The following NBAS variants were observed in gnomAD, a reference collection of about 807,000 sequenced individuals.
NBAS encodes the protein NBAS subunit of NRZ tethering complex.
A neutral mutation model predicts 302.5 loss-of-function variants in NBAS; 219 were observed. The ratio of observed to expected loss-of-function variants is 0.72; its 90% confidence interval spans 0.65 to 0.81. The LOEUF (loss-of-function observed/expected upper bound fraction) is 0.81, where lower values mean the gene tolerates loss of function less well. Among genes scored for constraint, NBAS ranks in the 30% least tolerant of loss-of-function variants. The probability of loss-of-function intolerance (pLI) is 0.00; values close to 1 mark genes in which losing one functional copy is unlikely to be tolerated. For synonymous variants in NBAS, 1,118 were observed against 1,021.6 expected (o/e 1.09, Z -1.80); for missense variants, 2,932 against 2,841.6 (o/e 1.03, Z -0.72).
chr2:15,161,051 A>G, the NBAS span, among the ~76,000 whole-genome samples: 1 of 152,196 alleles, frequency 6.6e-6, no homozygotes, highest in African/African-American at 2.4e-5. Flanking sequence ...CTATTAGCAT[A>G]GTCGAAGAAA....
At chr2:15,510,875 A>C (rs570005366) in intron 10 of NBAS, among the ~76,000 whole-genome samples, 56 of 152,346 alleles carry the variant, frequency 3.7e-4, no homozygotes, top group African/African-American at 1.3e-3. Flanking sequence ...AATGAGTTAG[A>C]GCATATAAAA....
chr2:15,453,345 A>G (rs946375179), intron 21 of NBAS, among the ~76,000 whole-genome samples: 1 of 152,210 alleles, frequency 6.6e-6, no homozygotes, highest in Non-Finnish European at 1.5e-5. Flanking sequence ...ACAATTTATC[A>G]CACTGTTTTG....
At chr2:15,034,244 G>C in the NBAS span, among the ~76,000 whole-genome samples, 2 of 87,582 alleles carry the variant, frequency 2.3e-5, no homozygotes, top group South Asian at 8.3e-4. Flanking sequence ...AGGAAAGAAA[G>C]AAAGAAAGAA....
chr2:14,930,082 G>C, the NBAS span, among the ~76,000 whole-genome samples: 1 of 152,150 alleles, frequency 6.6e-6, no homozygotes, highest in Non-Finnish European at 1.5e-5. Context: ...CATTCTTCCT[G>C]TGCAGCCTGT....
At chr2:14,965,466 T>C in the NBAS span, among the ~76,000 whole-genome samples, 1 of 152,198 alleles carries the variant, frequency 6.6e-6, no homozygotes, top group Admixed American at 6.5e-5. Flanking sequence ...ACTATCAAAG[T>C]TCACTCAAGA....
At chr2:15,028,175 T>C in the NBAS span, among the ~76,000 whole-genome samples, 8 of 152,242 alleles carry the variant, frequency 5.3e-5, no homozygotes, top group Non-Finnish European at 1.2e-4. Flanking sequence ...GATGTGCTTA[T>C]AGCTGCATTT....
the NBAS span, among the ~76,000 whole-genome samples, chr2:14,946,705 C>T: frequency 5.3e-5 from 8 of 152,134 alleles, no homozygotes; most frequent in African/African-American, 1.7e-4. Flanking sequence ...ATTTACAGAA[C>T]ATTTACCCAA....
intron 28 of NBAS, chr2:15,393,610 G>GAAATGAAAGCGTATGTCTACAC (rs139494535): frequency 0.6 from 253,282 of 419,024 alleles, 79,291 homozygotes; most frequent in Middle Eastern, 0.66. Flanking sequence ...TTGTCTGAGA[G>GAAATGAAAGCGTATGTCTACAC]AAATGAAAGC....
intron 9 of NBAS, among the ~76,000 whole-genome samples, chr2:15,523,029 C>T (rs1662751115): frequency 6.6e-6 from 1 of 152,302 alleles, no homozygotes; most frequent in African/African-American, 2.4e-5. Context: ...ACGGTGCGCA[C>T]CACAGCTGCA....
the NBAS span, among the ~76,000 whole-genome samples, chr2:15,091,449 T>C: frequency 6.6e-6 from 1 of 152,200 alleles, no homozygotes; most frequent in Non-Finnish European, 1.5e-5. Flanking sequence ...ACCTAATGAA[T>C]GGGAAATATA....
At chr2:15,034,320 G>GC in the NBAS span, among the ~76,000 whole-genome samples, 46 of 76,798 alleles carry the variant, frequency 6.0e-4, 1 homozygote, top group African/African-American at 2.2e-3. Flanking sequence ...GAGAGGGAAG[G>GC]AAGGCAGGCA....
chr2:15,129,141 T>C, the NBAS span, among the ~76,000 whole-genome samples: 1 of 152,230 alleles, frequency 6.6e-6, no homozygotes, highest in East Asian at 1.9e-4. Context: ...TCATTTGTAT[T>C]TCTCTTCTAG....
chr2:15,026,614 T>C, the NBAS span, among the ~76,000 whole-genome samples: 22 of 152,202 alleles, frequency 1.4e-4, no homozygotes, highest in Non-Finnish European at 1.2e-4. Context: ...TAAAACCTAC[T>C]TGATCGTGTT....
the NBAS span, among the ~76,000 whole-genome samples, chr2:14,974,038 G>A: frequency 2.0e-5 from 3 of 152,108 alleles, no homozygotes; most frequent in African/African-American, 4.8e-5. Flanking sequence ...GATTCCTCCA[G>A]GAGAAAAGGA....
At chr2:14,813,716 G>A in the NBAS span, among the ~76,000 whole-genome samples, 1 of 152,096 alleles carries the variant, frequency 6.6e-6, no homozygotes, top group African/African-American at 2.4e-5. Flanking sequence ...CTAACCATGT[G>A]GGAGAAAAGA....
At chr2:15,438,089 T>C (rs1462383900) in intron 21 of NBAS, among the ~76,000 whole-genome samples, 2 of 152,272 alleles carry the variant, frequency 1.3e-5, no homozygotes, top group Non-Finnish European at 2.9e-5. Flanking sequence ...TTTGCTTATT[T>C]GTTGTTCGCA....
chr2:14,913,374 G>C, the NBAS span, among the ~76,000 whole-genome samples: 4 of 152,146 alleles, frequency 2.6e-5, no homozygotes, highest in African/African-American at 9.7e-5. Context: ...AGTCATTAAG[G>C]ATTAGGAAGA....
At chr2:15,087,099 G>T in the NBAS span, among the ~76,000 whole-genome samples, 1 of 151,808 alleles carries the variant, frequency 6.6e-6, no homozygotes, top group East Asian at 2.0e-4. Flanking sequence ...ATTCTTCCCG[G>T]TCTCAAGCCT....
chr2:15,220,666 A>G (rs890582449), intron 47 of NBAS, among the ~76,000 whole-genome samples: 6 of 152,226 alleles, frequency 3.9e-5, no homozygotes, highest in Admixed American at 6.5e-5. Context: ...TTATTTATCC[A>G]TAACTCTTAA....
Sources: gnomAD v4.1 joint callset for allele counts (sites outside exome capture counted in the v4.1 genomes callset) on GRCh38, gnomAD v4.1.1 for gene constraint, MANE v1.5 for transcripts, NCBI Gene and HGNC (gene_info 2026-07-23, HGNC 2026-07-21) for gene names.